The following CSMD1 variants were observed in gnomAD, a reference collection of about 807,000 sequenced individuals.
CSMD1 encodes the protein CUB and Sushi multiple domains 1.
In CSMD1, 213 loss-of-function variants were observed where a neutral mutation model predicts 417.5. That is an observed-to-expected ratio of 0.51 (90% CI 0.46 to 0.57). The LOEUF is 0.57. CSMD1 is among the 20% of genes least tolerant of loss of function. The probability of loss-of-function intolerance (pLI) is 0.00; values close to 1 mark genes in which losing one functional copy is unlikely to be tolerated. For synonymous variants in CSMD1, 2,862 were observed against 1,736.8 expected, an observed-to-expected ratio of 1.65 and a Z score of -16.11; for missense variants, 6,923 against 4,529.7, an observed-to-expected ratio of 1.53 and a Z score of -15.17.
At chr8:3,087,910 G>A (rs1160304790) in intron 48 of CSMD1, among the ~76,000 whole-genome samples, 1 of 152,212 alleles carries the variant, frequency 6.6e-6, no homozygotes, top group Non-Finnish European at 1.5e-5. Flanking sequence ...TTTTTTAAGT[G>A]TTGTTAAAAC....
chr8:4,786,373 G>T (rs559243958), intron 1 of CSMD1, among the ~76,000 whole-genome samples: 1 of 152,266 alleles, frequency 6.6e-6, no homozygotes, highest in East Asian at 1.9e-4. Flanking sequence ...AAAATGGCAG[G>T]TGCAGAACAT....
intron 3 of CSMD1, among the ~76,000 whole-genome samples, chr8:4,160,855 C>A (rs1243546744): frequency 6.6e-6 from 1 of 152,198 alleles, no homozygotes; most frequent in East Asian, 1.9e-4. Context: ...TCTAATATTT[C>A]CTTAAGGAGA....
intron 11 of CSMD1, among the ~76,000 whole-genome samples, chr8:3,479,665 A>G (rs1442025128): frequency 6.6e-6 from 1 of 152,236 alleles, no homozygotes; most frequent in African/African-American, 2.4e-5. Context: ...TAAAAAATAT[A>G]AATAGTACCT....
chr8:4,369,915 T>C (rs66505261), intron 3 of CSMD1, among the ~76,000 whole-genome samples: 40,044 of 152,096 alleles, frequency 0.26, 5,665 homozygotes, highest in East Asian at 0.36. Context: ...ATGTATTTTA[T>C]GCATTTAAAG....
chr8:3,320,767 C>G (rs984384010), intron 23 of CSMD1, among the ~76,000 whole-genome samples: 1 of 152,186 alleles, frequency 6.6e-6, no homozygotes, highest in Non-Finnish European at 1.5e-5. Flanking sequence ...CCAGCCCATC[C>G]TCTCTGGGCT....
intron 40 of CSMD1, among the ~76,000 whole-genome samples, chr8:3,146,127 G>A (rs1563084922): frequency 6.6e-6 from 1 of 152,178 alleles, no homozygotes; most frequent in African/African-American, 2.4e-5. Flanking sequence ...TAGAAAGTCT[G>A]ATGGCATGGT....
chr8:3,052,726 C>T, intron 49 of CSMD1, 79 bp from the exon 50 acceptor site: 1 of 994,708 alleles, frequency 1.0e-6, no homozygotes, highest in Non-Finnish European at 1.4e-6. Context: ...ATTGATTAAT[C>T]ATTATTATTG....
intron 6 of CSMD1, among the ~76,000 whole-genome samples, chr8:3,743,876 A>G (rs185726120): frequency 6.6e-6 from 1 of 152,298 alleles, no homozygotes; most frequent in East Asian, 1.9e-4. Context: ...TCGTATGTAA[A>G]ATCCAGATTC....
At chr8:4,227,626 C>T (rs1026866710) in intron 3 of CSMD1, among the ~76,000 whole-genome samples, 2 of 152,004 alleles carry the variant, frequency 1.3e-5, no homozygotes, top group African/African-American at 2.4e-5. Flanking sequence ...GTCAGACACT[C>T]GGCCTTCTTC....
intron 12 of CSMD1, among the ~76,000 whole-genome samples, chr8:3,458,000 T>C (rs938020857): frequency 6.6e-6 from 1 of 152,180 alleles, no homozygotes; most frequent in Non-Finnish European, 1.5e-5. Context: ...CACAAGCTCT[T>C]TCATAATTCG....
chr8:2,998,311 G>C, intron 53 of CSMD1, 127 bp from the exon 54 acceptor site: 1 of 826,692 alleles, frequency 1.2e-6, no homozygotes, highest in Non-Finnish European at 1.9e-6. Flanking sequence ...TAACCAGGCA[G>C]CTTACAGATG....
At chr8:4,723,356 G>A (rs1248176633) in intron 1 of CSMD1, among the ~76,000 whole-genome samples, 3 of 152,104 alleles carry the variant, frequency 2.0e-5, no homozygotes, top group Non-Finnish European at 4.4e-5. Flanking sequence ...TTCAAGGACC[G>A]AGGTTCGCTC....
chr8:3,546,061 C>G (rs1372134281), intron 10 of CSMD1, among the ~76,000 whole-genome samples: 1 of 152,214 alleles, frequency 6.6e-6, no homozygotes, highest in African/African-American at 2.4e-5. Context: ...ATCAAGTTGA[C>G]ATTTAACAGC....
At chr8:3,994,700 T>C (rs138952291) in intron 5 of CSMD1, among the ~76,000 whole-genome samples, 1 of 152,260 alleles carries the variant, frequency 6.6e-6, no homozygotes, top group Non-Finnish European at 1.5e-5. Flanking sequence ...ATGTTTAATA[T>C]AAAGATAATT....
intron 1 of CSMD1, among the ~76,000 whole-genome samples, chr8:4,870,547 C>T (rs1160885783): frequency 6.6e-6 from 1 of 152,050 alleles, no homozygotes; most frequent in Admixed American, 6.5e-5. Flanking sequence ...TTCCTCTTCT[C>T]GTGTGTCAGT....
At chr8:4,583,666 A>C (rs1251803906) in intron 2 of CSMD1, among the ~76,000 whole-genome samples, 1 of 152,068 alleles carries the variant, frequency 6.6e-6, no homozygotes, top group Non-Finnish European at 1.5e-5. Flanking sequence ...TATCTAACTA[A>C]TCTGATGGGG....
At chr8:4,916,980 G>A (rs56337647) in intron 1 of CSMD1, among the ~76,000 whole-genome samples, 2,489 of 152,316 alleles carry the variant, frequency 0.016, 73 homozygotes, top group African/African-American at 0.057. Flanking sequence ...GGTTCAGTAG[G>A]TGTATTAGCT....
At chr8:4,878,770 T>C (rs750060293) in intron 1 of CSMD1, among the ~76,000 whole-genome samples, 46 of 151,900 alleles carry the variant, frequency 3.0e-4, no homozygotes, top group Middle Eastern at 6.8e-3. Flanking sequence ...TTGTGGGTTT[T>C]AAGATTATAG....
At chr8:4,235,068 T>C (rs796745468) in intron 3 of CSMD1, among the ~76,000 whole-genome samples, 19 of 152,274 alleles carry the variant, frequency 1.2e-4, no homozygotes, top group Middle Eastern at 3.4e-3. Context: ...ATTCCATCCA[T>C]AGGAGTCCCT....
Sources: gnomAD v4.1 joint callset for allele counts (sites outside exome capture counted in the v4.1 genomes callset) on GRCh38, gnomAD v4.1.1 for gene constraint, MANE v1.5 for transcripts, NCBI Gene and HGNC (gene_info 2026-07-23, HGNC 2026-07-21) for gene names.